BTBD9: variants seen among roughly 807,000 people sequenced by gnomAD.
BTBD9 encodes the protein BTB/POZ domain-containing protein 9.
A neutral mutation model predicts 64.3 loss-of-function variants in BTBD9; 49 were observed. The ratio of observed to expected loss-of-function variants is 0.76; its 90% confidence interval spans 0.61 to 0.97. The LOEUF is 0.97. Ranked by LOEUF, BTBD9 falls within the 50% of genes least tolerant of loss-of-function variation. BTBD9 has a pLI of 0.00. For missense variants in BTBD9, 598 were observed against 762.1 expected (o/e 0.78, Z 2.53); for synonymous variants, 260 against 274.7 (o/e 0.95, Z 0.53).
At chr6:38,326,868 A>G (rs918992309) in intron 7 of BTBD9, among the ~76,000 whole-genome samples, 1 of 152,146 alleles carries the variant, frequency 6.6e-6, no homozygotes, top group Non-Finnish European at 1.5e-5. Context: ...TGAGAACTCA[A>G]TCAACTCATG....
chr6:38,188,952 C>T (rs146605945), intron 10 of BTBD9, among the ~76,000 whole-genome samples: 109 of 152,202 alleles, frequency 7.2e-4, no homozygotes, highest in African/African-American at 2.6e-3. Flanking sequence ...CCTCAGACTC[C>T]CAGCCTCTGG....
chr6:38,336,394 A>G (rs1005772299), intron 7 of BTBD9, among the ~76,000 whole-genome samples: 1 of 152,192 alleles, frequency 6.6e-6, no homozygotes, highest in African/African-American at 2.4e-5. Context: ...ATAGTTCTGC[A>G]TGGCTGGGAA....
chr6:38,358,897 G>C (rs1025919290), intron 6 of BTBD9, among the ~76,000 whole-genome samples: 4 of 151,098 alleles, frequency 2.6e-5, no homozygotes, highest in African/African-American at 4.9e-5. Context: ...TCAGCCTCCC[G>C]AGTAGCTGGG....
chr6:38,466,395 A>AATT (rs548915855), intron 6 of BTBD9, among the ~76,000 whole-genome samples: 103 of 148,170 alleles, frequency 7.0e-4, no homozygotes, highest in African/African-American at 2.5e-3. Context: ...GGATTCAAGC[A>AATT]ATTCTCCTGC....
chr6:38,526,836 G>A (rs1051878502), intron 6 of BTBD9, among the ~76,000 whole-genome samples: 1 of 152,150 alleles, frequency 6.6e-6, no homozygotes, highest in Non-Finnish European at 1.5e-5. Context: ...AGTAACTAAC[G>A]TGGTTTTGAT....
intron 6 of BTBD9, among the ~76,000 whole-genome samples, chr6:38,449,948 T>C (rs1300897987): frequency 6.6e-6 from 1 of 152,044 alleles, no homozygotes; most frequent in Non-Finnish European, 1.5e-5. Flanking sequence ...TACATAAAAC[T>C]AAAAAGCTCC....
chr6:38,199,537 A>G (rs1762385614), intron 9 of BTBD9, among the ~76,000 whole-genome samples: 3 of 152,224 alleles, frequency 2.0e-5, no homozygotes, highest in African/African-American at 7.2e-5. Flanking sequence ...GACAGAAAAA[A>G]AACAAATTTA....
intron 9 of BTBD9, among the ~76,000 whole-genome samples, chr6:38,221,905 C>T (rs956033009): frequency 2.6e-5 from 4 of 151,968 alleles, no homozygotes; most frequent in African/African-American, 7.2e-5. Context: ...GCAGGAGAAT[C>T]GCTTGAACCT....
chr6:38,503,143 C>A (rs1772289160), intron 6 of BTBD9, among the ~76,000 whole-genome samples: 1 of 152,174 alleles, frequency 6.6e-6, no homozygotes, highest in Non-Finnish European at 1.5e-5. Context: ...TGTGTCACTT[C>A]TATTATTCCA....
At chr6:38,499,256 C>T (rs1290532323) in intron 6 of BTBD9, among the ~76,000 whole-genome samples, 2 of 152,142 alleles carry the variant, frequency 1.3e-5, no homozygotes, top group African/African-American at 4.8e-5. Context: ...AAACACTGCT[C>T]ACAGGGACCG....
intron 9 of BTBD9, among the ~76,000 whole-genome samples, chr6:38,203,690 T>C (rs927690043): frequency 1.1e-4 from 17 of 151,602 alleles, no homozygotes; most frequent in Admixed American, 5.3e-4. Flanking sequence ...ATGTAGGAGC[T>C]AAAAAACTTG....
chr6:38,327,300 C>G (rs994373665), intron 7 of BTBD9, among the ~76,000 whole-genome samples: 2 of 152,186 alleles, frequency 1.3e-5, no homozygotes, highest in African/African-American at 2.4e-5. Context: ...CAGGCTTCCA[C>G]TCCTATACAA....
chr6:38,223,000 G>A (rs574043088), intron 9 of BTBD9, among the ~76,000 whole-genome samples: 4 of 152,188 alleles, frequency 2.6e-5, no homozygotes, highest in East Asian at 1.9e-4. Flanking sequence ...TCCACCTCCC[G>A]GGTTCAAGCA....
chr6:38,263,376 A>T (rs1764858976), intron 8 of BTBD9, among the ~76,000 whole-genome samples: 1 of 152,196 alleles, frequency 6.6e-6, no homozygotes, highest in Admixed American at 6.5e-5. Context: ...GCATATGCAG[A>T]GGTTTTTTTG....
intron 6 of BTBD9, among the ~76,000 whole-genome samples, chr6:38,370,436 T>C (rs1232170736): frequency 6.6e-6 from 1 of 152,238 alleles, no homozygotes; most frequent in African/African-American, 2.4e-5. Context: ...CTTGGAAAGA[T>C]ACTGGCTTCT....
chr6:38,359,713 G>C (rs1417322024), intron 6 of BTBD9, among the ~76,000 whole-genome samples: 1 of 152,234 alleles, frequency 6.6e-6, no homozygotes, highest in East Asian at 1.9e-4. Flanking sequence ...GGAAGGAAAG[G>C]TGGGGGAAAG....
intron 1 of BTBD9, among the ~76,000 whole-genome samples, chr6:38,622,439 T>TC (rs1778019305): frequency 6.6e-6 from 1 of 152,170 alleles, no homozygotes; most frequent in Non-Finnish European, 1.5e-5. Context: ...GTGACAATCG[T>TC]CCAGCTTTTA....
At chr6:38,579,292 C>T (rs1201735372) in intron 5 of BTBD9, among the ~76,000 whole-genome samples, 1 of 152,154 alleles carries the variant, frequency 6.6e-6, no homozygotes, top group Non-Finnish European at 1.5e-5. Context: ...AACACACTAC[C>T]TTGTAAGGTT....
intron 9 of BTBD9, among the ~76,000 whole-genome samples, chr6:38,235,770 T>C (rs1763756877): frequency 1.3e-5 from 2 of 152,254 alleles, no homozygotes; most frequent in African/African-American, 2.4e-5. Context: ...GGTTTTCATA[T>C]GTGAGTATTC....
Sources: allele counts gnomAD v4.1 joint callset (sites outside exome capture counted in the v4.1 genomes callset), GRCh38; gene constraint gnomAD v4.1.1; transcripts MANE v1.5; gene names NCBI Gene and HGNC (gene_info 2026-07-23, HGNC 2026-07-21).